Variants in MITF observed in about 807,000 individuals in gnomAD.
MITF encodes microphthalmia-associated transcription factor.
In MITF, 17 loss-of-function variants were observed where a neutral mutation model predicts 60.5. That is an observed-to-expected ratio of 0.28 (90% CI 0.19 to 0.42). MITF has a LOEUF of 0.42. Among genes scored for constraint, MITF ranks in the 10% least tolerant of loss-of-function variants. The pLI is 1.00. For missense variants in MITF, 622 were observed against 683.5 expected (o/e 0.91, Z 1.00); for synonymous variants, 260 against 248.5 (o/e 1.05, Z -0.43).
At chr3:69,776,598 G>A (rs867897350) in intron 1 of MITF, among the ~76,000 whole-genome samples, 3 of 152,172 alleles carry the variant, frequency 2.0e-5, no homozygotes, top group Non-Finnish European at 4.4e-5. Flanking sequence ...CGTTTGTTGC[G>A]ATGAAGAAGT....
At chr3:69,746,027 A>T (rs1217633961) in intron 1 of MITF, among the ~76,000 whole-genome samples, 1 of 152,178 alleles carries the variant, frequency 6.6e-6, no homozygotes, top group Non-Finnish European at 1.5e-5. Flanking sequence ...TGCATCCAAA[A>T]CAAAGTAGAC....
chr3:69,815,991 C>T (rs1024949345), intron 1 of MITF, among the ~76,000 whole-genome samples: 2 of 152,162 alleles, frequency 1.3e-5, no homozygotes, highest in Admixed American at 1.3e-4. Flanking sequence ...CTACAGAACA[C>T]TCCTGGTGTT....
intron 2 of MITF, among the ~76,000 whole-genome samples, chr3:69,891,796 G>A (rs1222366947): frequency 6.6e-6 from 1 of 152,176 alleles, no homozygotes; most frequent in Middle Eastern, 3.2e-3. Context: ...GACAGGCAAA[G>A]GAAATGTTGC....
rs536166251 is a variant in MITF at position 69,790,748 on chromosome 3, C to G, written c.104+51047C>G. Among the ~76,000 whole-genome samples the G allele has an allele frequency of 3.3e-5, 5 of 152,254 alleles. No homozygotes were observed. The East Asian group carries it at 9.7e-4, about 29-fold the overall frequency. ...TGGAGAATCTGGAAATTCCAAGTCC[C>G]TAGTCTGTCCAATCAACAAATGGCT... is the stretch of plus-strand genomic sequence containing the variant. On this transcript the variant is annotated intron_variant, in intron 1 of 9. Transcript: ENST00000352241.
intron 1 of MITF, chr3:69,778,809 T>C (rs890701453): frequency 6.6e-6 from 1 of 152,226 alleles, no homozygotes; most frequent in Non-Finnish European, 1.5e-5. Flanking sequence ...CCATTTTTTT[T>C]TCTCTCAGAT....
At chr3:69,771,743 G>A (rs905476406) in intron 1 of MITF, among the ~76,000 whole-genome samples, 2 of 152,062 alleles carry the variant, frequency 1.3e-5, no homozygotes, top group African/African-American at 2.4e-5. Flanking sequence ...AATGGCACCA[G>A]CATTCAGAAC....
chr3:69,762,430 T>A (rs2062225783), intron 1 of MITF, among the ~76,000 whole-genome samples: 1 of 152,230 alleles, frequency 6.6e-6, no homozygotes, highest in African/African-American at 2.4e-5. Context: ...TAACCCTGAT[T>A]CATTACCTTG....
At chr3:69,928,455 T>G (rs1285239365) in intron 2 of MITF, among the ~76,000 whole-genome samples, 3 of 152,194 alleles carry the variant, frequency 2.0e-5, no homozygotes, top group Non-Finnish European at 4.4e-5. Flanking sequence ...GATTTAAAAG[T>G]CTTCAGGAAT....
At chr3:69,803,948 T>C (rs1001157287) in intron 1 of MITF, among the ~76,000 whole-genome samples, 1 of 152,114 alleles carries the variant, frequency 6.6e-6, no homozygotes, top group Non-Finnish European at 1.5e-5. Context: ...GGCTGTTAAT[T>C]TTTTTTTCTT....
intron 1 of MITF, chr3:69,763,968 C>A (rs1218127562): frequency 4.5e-6 from 6 of 1,336,476 alleles, no homozygotes; most frequent in Non-Finnish European, 6.0e-6. Context: ...ACCAAAGTAC[C>A]TCAGTTTACA....
chr3:69,852,459 C>T (rs2063841291), intron 1 of MITF, among the ~76,000 whole-genome samples: 1 of 152,180 alleles, frequency 6.6e-6, no homozygotes, highest in African/African-American at 2.4e-5. Flanking sequence ...TTTCGCTTAA[C>T]ATTATGTATG....
At chr3:69,950,628 T>TATATATAC (rs1491366482) in intron 6 of MITF, among the ~76,000 whole-genome samples, 8 of 106,208 alleles carry the variant, frequency 7.5e-5, no homozygotes, top group African/African-American at 3.6e-4. Context: ...ATATGGTGTG[T>TATATATAC]ATATATATAT....
intron 1 of MITF, among the ~76,000 whole-genome samples, chr3:69,750,867 A>G (rs1703912207): frequency 6.6e-6 from 1 of 152,192 alleles, no homozygotes; most frequent in African/African-American, 2.4e-5. Flanking sequence ...TAAATAATAT[A>G]TAAGCTTGGG....
At chr3:69,825,580 C>T (rs1407275628) in intron 1 of MITF, among the ~76,000 whole-genome samples, 4 of 152,170 alleles carry the variant, frequency 2.6e-5, no homozygotes, top group Non-Finnish European at 4.4e-5. Context: ...GCATGTCAAG[C>T]GTTGTTTCCT....
chr3:69,802,765 T>C lies in MITF; in HGVS notation c.104+63064T>C, dbSNP rs565837810. Reference sequence around the variant, plus strand: ...GGAGTGCAATGGTGTGATCTCGGCTTACTGCAATCTCCGCCTCCTAGGTTC... The same window carrying C: ...GGAGTGCAATGGTGTGATCTCGGCTCACTGCAATCTCCGCCTCCTAGGTTC... On this transcript the variant is annotated intron_variant, in intron 1 of 9. Transcript: ENST00000352241. Among the ~76,000 whole-genome samples, 526 of 142,576 alleles carry C rather than the reference T, an allele frequency of 3.7e-3. 6 individuals carry two copies. Among genetic ancestry groups the C allele is most frequent in the African/African-American group, 0.013 (487 of 38,306 alleles). The allele number at this position is 142,576 out of a possible 152,430, so 93.5% of individuals were successfully genotyped here. A position where few individuals can be genotyped will look rare whatever the true frequency, so the allele number is the denominator to read the frequency against.
At chr3:69,813,916 G>A (rs527950779) in intron 1 of MITF, among the ~76,000 whole-genome samples, 9 of 152,214 alleles carry the variant, frequency 5.9e-5, no homozygotes, top group Non-Finnish European at 1.3e-4. Context: ...ACTTAATGGA[G>A]GGCCACTAGG....
intron 2 of MITF, 110 bp downstream of exon 2, chr3:69,879,493 A>G (rs909828112): frequency 5.0e-5 from 77 of 1,546,384 alleles, no homozygotes; most frequent in African/African-American, 4.1e-5. Flanking sequence ...CTTCAGAATT[A>G]TATTTGAAAA....
At chr3:69,903,226 A>G (rs146988006) in intron 2 of MITF, among the ~76,000 whole-genome samples, 35 of 152,304 alleles carry the variant, frequency 2.3e-4, no homozygotes, top group African/African-American at 7.9e-4. Flanking sequence ...TGAGGTTTTA[A>G]ACATAAGAAT....
chr3:69,783,655 T>C (rs1035040227), intron 1 of MITF, among the ~76,000 whole-genome samples: 5 of 152,146 alleles, frequency 3.3e-5, no homozygotes, highest in Non-Finnish European at 5.9e-5. Context: ...ATTATACTTA[T>C]TTGCAAGGTT....
Sources: gnomAD v4.1 joint callset for allele counts (sites outside exome capture counted in the v4.1 genomes callset) on GRCh38, gnomAD v4.1.1 for gene constraint, MANE v1.5 for transcripts, NCBI Gene and HGNC (gene_info 2026-07-23, HGNC 2026-07-21) for gene names.